COPS9: variants seen among roughly 807,000 people sequenced by gnomAD.
The protein encoded by COPS9 is COP9 signalosome subunit 9.
In COPS9, 8 loss-of-function variants were observed where a neutral mutation model predicts 7.2. That is an observed-to-expected ratio of 1.11 (90% CI 0.65 to 2.00). The LOEUF is 2.00. Ranked by LOEUF, COPS9 falls within the 30% of genes most tolerant of loss-of-function variation. The pLI is 0.00. For synonymous variants in COPS9, 39 were observed against 28.7 expected (o/e 1.36, Z -1.14); for missense variants, 74 against 77.7 (o/e 0.95, Z 0.18).
At chr2:240,135,346 A>AG (rs1219865041) in intron 1 of COPS9, among the ~76,000 whole-genome samples, 1 of 152,150 alleles carries the variant, frequency 6.6e-6, no homozygotes, top group African/African-American at 2.4e-5. Flanking sequence ...CAAAGCCCTG[A>AG]GGGTCCATCC....
chr2:240,128,996 C>T (rs2071893806), downstream of COPS9, among the ~76,000 whole-genome samples: 1 of 152,220 alleles, frequency 6.6e-6, no homozygotes, highest in African/African-American at 2.4e-5. Flanking sequence ...CTACGGCCCA[C>T]ACAGGAGCTT....
chr2:240,128,517 G>A (rs563896777), downstream of COPS9, among the ~76,000 whole-genome samples: 5 of 152,320 alleles, frequency 3.3e-5, no homozygotes, highest in Non-Finnish European at 7.3e-5. Context: ...GCAGAGCTGT[G>A]CTGCCTTGCT....
chr2:240,129,053 T>G (rs1156774514), downstream of COPS9, among the ~76,000 whole-genome samples: 2 of 152,218 alleles, frequency 1.3e-5, no homozygotes, highest in Non-Finnish European at 2.9e-5. Context: ...CCATCTGCAC[T>G]CTGCCTGAGT....
At chr2:240,131,223 C>T (rs1010518460) in intron 2 of COPS9, 135 bp from the exon 3 acceptor site, 23 of 1,075,110 alleles carry the variant, frequency 2.1e-5, no homozygotes, top group Non-Finnish European at 2.8e-5. Context: ...AGACTTTTCC[C>T]GTAACAGACT....
chr2:240,136,114 C>A (rs1410547083), intron 1 of COPS9, 108 bp downstream of exon 1: 1 of 1,327,026 alleles, frequency 7.5e-7, no homozygotes, highest in African/African-American at 1.5e-5. Context: ...GCGCCCATCG[C>A]CCACCCGCCC....
chr2:240,131,100 A>G lies in COPS9; in HGVS notation c.137-12T>C. 6.2e-7 allele frequency: 1 copy of G among 1,612,046 alleles called. No individual in the cohort carries two copies. Among genetic ancestry groups the G allele is most frequent in the Non-Finnish European group, 8.5e-7 (1 of 1,179,238 alleles). On this transcript the variant is annotated splice_polypyrimidine_tract_variant and intron_variant, in intron 2 of 2. Coordinates refer to ENST00000607357, the MANE Select transcript of COPS9 (RefSeq NM_001163424.2). Reference sequence around the variant, plus strand: ...AAGATCTTCAAAATCTAGGGAAATAAGCAAAACCACGTAGTTACACCTACA... The same window carrying G: ...AAGATCTTCAAAATCTAGGGAAATAGGCAAAACCACGTAGTTACACCTACA...
downstream of COPS9, among the ~76,000 whole-genome samples, chr2:240,127,318 G>A (rs1241576722): frequency 7.2e-6 from 1 of 139,048 alleles, no homozygotes; most frequent in African/African-American, 2.7e-5. Flanking sequence ...AAACCACCCA[G>A]AGGCAGTTAG....
intron 1 of COPS9, 82 bp from the exon 2 acceptor site, chr2:240,134,087 C>CAAAA: frequency 7.6e-7 from 1 of 1,308,618 alleles, no homozygotes; most frequent in Admixed American, 1.9e-5. Context: ...CCACTACCCC[C>CAAAA]ACAAAAAAAG....
downstream of COPS9, among the ~76,000 whole-genome samples, chr2:240,127,261 A>T (rs1466448407): frequency 6.9e-6 from 1 of 145,506 alleles, no homozygotes; most frequent in Non-Finnish European, 1.5e-5. Flanking sequence ...AAGCCCCACA[A>T]GGCATCATTA....
downstream of COPS9, among the ~76,000 whole-genome samples, chr2:240,128,295 T>G (rs1024629585): frequency 9.9e-5 from 15 of 152,188 alleles, no homozygotes; most frequent in Non-Finnish European, 8.8e-5. Flanking sequence ...AAGAAGCCAG[T>G]GGGCAGGCAG....
downstream of COPS9, chr2:240,126,700 G>A (rs765573881): frequency 5.0e-6 from 8 of 1,613,878 alleles, no homozygotes; most frequent in African/African-American, 1.3e-5. Flanking sequence ...CTGACCTCTC[G>A]CCTGCTTCTT....
At chr2:240,136,335 G>A (rs1215311284), upstream of COPS9, 4 of 1,518,150 alleles carry the variant, frequency 2.6e-6, no homozygotes, top group Non-Finnish European at 3.5e-6. Context: ...GCCGCTTCCG[G>A]CGCGCGCCAC....
At chr2:240,134,194 T>C (rs968300099) in intron 1 of COPS9, 189 bp from the exon 2 acceptor site, 1 of 589,920 alleles carries the variant, frequency 1.7e-6, no homozygotes, top group African/African-American at 1.9e-5. Context: ...TTCAAAGGAA[T>C]GATTTTTAAG....
intron 1 of COPS9, 132 bp from the exon 2 acceptor site, chr2:240,134,137 A>C (rs1271440777): frequency 1.3e-6 from 1 of 760,224 alleles, no homozygotes; most frequent in African/African-American, 1.7e-5. Context: ...TGGAGTCAAC[A>C]TTTTAGTTCC....
At position 240,130,988 on chromosome 2, in the gene COPS9, T is replaced by G. The variant is rs766608650; in HGVS notation, c.*63A>C. 10 of 1,592,804 alleles carry G rather than the reference T, an allele frequency of 6.3e-6. No individual in the cohort carries two copies. Among genetic ancestry groups the G allele is most frequent in the Non-Finnish European group, 7.7e-6 (9 of 1,171,164 alleles). ...TCTTTAAAACCACCTGAAACTGTCC[T>G]GCGCAGGCTCACACTGCGGCTCTGT... On this transcript the variant is annotated 3_prime_UTR_variant, in exon 3 of 3. Transcript: ENST00000607357.
chr2:240,134,670 C>T (rs1384725114), intron 1 of COPS9, among the ~76,000 whole-genome samples: 2 of 152,188 alleles, frequency 1.3e-5, no homozygotes, highest in Non-Finnish European at 2.9e-5. Context: ...AGGCCGCTTG[C>T]TCAGACCTGC....
At chr2:240,133,468 A>T (rs1215571527) in intron 2 of COPS9, among the ~76,000 whole-genome samples, 1 of 152,228 alleles carries the variant, frequency 6.6e-6, no homozygotes, top group Non-Finnish European at 1.5e-5. Flanking sequence ...GCTGGGCAAG[A>T]GCTGGAGTAT....
chr2:240,129,782 C>A (rs915671567), downstream of COPS9: 11 of 706,892 alleles, frequency 1.6e-5, no homozygotes, highest in African/African-American at 3.6e-5. Flanking sequence ...CAAGTGCAGA[C>A]GACGTGCACG....
At position 240,130,931 on chromosome 2, in the gene COPS9, C is replaced by A. The variant is rs543147400; in HGVS notation, c.*120G>T. ...AGAACAGTCTTATCTTTCTGGTTAA[C>A]CAGGTCCTAAATTCAAGGGATTTCC... On this transcript the variant is annotated 3_prime_UTR_variant, in exon 3 of 3. Coordinates refer to ENST00000607357, the MANE Select transcript of COPS9 (RefSeq NM_001163424.2). 2.7e-4 allele frequency: 409 copies of A among 1,494,470 alleles called. No individual in the cohort carries two copies. The African/African-American group carries it at 4.1e-3, about 15-fold the overall frequency. 92.6% of individuals were successfully genotyped at this position (1,494,470 alleles called of 1,614,324 possible).
Sources: allele counts gnomAD v4.1 joint callset (sites outside exome capture counted in the v4.1 genomes callset), GRCh38; gene constraint gnomAD v4.1.1; transcripts MANE v1.5; gene names NCBI Gene and HGNC (gene_info 2026-07-23, HGNC 2026-07-21).